MGAT3: variants seen among roughly 807,000 people sequenced by gnomAD.
MGAT3 encodes the protein GlcNAc-T III.
A neutral mutation model predicts 29.8 loss-of-function variants in MGAT3; 9 were observed. The ratio of observed to expected loss-of-function variants is 0.30; its 90% CI spans 0.18 to 0.53. MGAT3 has a LOEUF of 0.53. Among genes scored for constraint, MGAT3 ranks in the 20% least tolerant of loss-of-function variants. MGAT3 has a pLI of 0.96. For synonymous variants in MGAT3, 397 were observed against 348.9 expected, an observed-to-expected ratio of 1.14 and a Z score of -1.54; for missense variants, 557 against 769.5, an observed-to-expected ratio of 0.72 and a Z score of 3.27.
At chr22:39,472,319 G>C (rs1454245542) in intron 1 of MGAT3, among the ~76,000 whole-genome samples, 1 of 152,186 alleles carries the variant, frequency 6.6e-6, no homozygotes, top group Non-Finnish European at 1.5e-5. Context: ...GTCCCTGCCC[G>C]GTACTTTGTC....
intron 1 of MGAT3, among the ~76,000 whole-genome samples, chr22:39,476,279 CAG>C (rs933024436): frequency 1.3e-5 from 2 of 152,194 alleles, no homozygotes; most frequent in Non-Finnish European, 2.9e-5. Flanking sequence ...GCTGAGCCAG[CAG>C]AGAGTGGGGC....
chr22:39,471,394 A>G (rs1346602177), intron 1 of MGAT3, among the ~76,000 whole-genome samples: 2 of 152,140 alleles, frequency 1.3e-5, no homozygotes, highest in Non-Finnish European at 1.5e-5. Context: ...ACAGGGGCCT[A>G]TTGATGAATT....
Position 39,457,560 on chromosome 22 carries a change from G to T in MGAT3, c.-2+3G>T. 6.6e-6 allele frequency: 1 copy of T among 150,396 alleles called. No homozygotes were observed. The highest frequency in any genetic ancestry group is 1.8e-4 in the South Asian group (1 of 5,586). 9.3% of individuals were successfully genotyped at this position (150,396 alleles called of 1,614,324 possible). A position where few individuals can be genotyped will look rare whatever the true frequency, so the allele number is the denominator to read the frequency against. ...TGCTGAGACCCAGCGGGCGATGGGTGAGTTGACCCCGGCGTCCTGGGGGGC... is the reference window on the plus strand; with the variant it reads ...TGCTGAGACCCAGCGGGCGATGGGTTAGTTGACCCCGGCGTCCTGGGGGGC... On this transcript the variant is annotated splice_donor_region_variant and intron_variant, in intron 1 of 1. Transcript: ENST00000341184. This position sits in a 1 kb window ranked among gnomAD's most constrained non-coding sequence, Gnocchi z 6.8.
intron 1 of MGAT3, among the ~76,000 whole-genome samples, chr22:39,481,264 C>T (rs575957581): frequency 1.1e-4 from 17 of 152,032 alleles, no homozygotes; most frequent in Non-Finnish European, 2.4e-4. Flanking sequence ...AGTCTGCTCA[C>T]GTCGCCTCCT....
intron 1 of MGAT3, among the ~76,000 whole-genome samples, chr22:39,459,098 G>T (rs1928428693): frequency 6.9e-6 from 1 of 145,120 alleles, no homozygotes; most frequent in African/African-American, 2.7e-5. Context: ...TTTTGAGATG[G>T]AGCCTCACTC....
intron 1 of MGAT3, chr22:39,475,810 A>G (rs562136425): frequency 1.3e-5 from 2 of 152,408 alleles, no homozygotes; most frequent in South Asian, 2.1e-4. Flanking sequence ...GCATGCAGCT[A>G]TTAAAATTCA....
In MGAT3 at chr22:39,487,737, G is replaced by C; in HGVS notation, c.390G>C (p.Pro130=). ...PGTKMLERPP[P]GRPEEKPEGA... is the part of the protein sequence containing the mutation. ...CCAAGATGCTGGAGAGGCCGCCCCC[G>C]GGACGGCCGGAGGAGAAGCCTGAGG... is the stretch of plus-strand genomic sequence containing the variant. The change falls in exon 2 of 2, where the codon CCG becomes CCC. Residue 130 remains proline (P), a synonymous_variant. Transcript: ENST00000341184. The surrounding 1 kb of genome is among the most constrained non-coding windows in gnomAD (Gnocchi z 5.7). 1 of 1,543,144 alleles carries C rather than the reference G, an allele frequency of 6.5e-7. No homozygotes were observed. The highest frequency in any genetic ancestry group is 8.7e-7 in the Non-Finnish European group (1 of 1,148,036).
chr22:39,461,271 A>G (rs918244736), intron 1 of MGAT3, among the ~76,000 whole-genome samples: 2 of 152,164 alleles, frequency 1.3e-5, no homozygotes, highest in Admixed American at 1.3e-4. Context: ...AGTGTTGGTC[A>G]GCTAGATTTG....
chr22:39,460,004 T>A (rs113474549), intron 1 of MGAT3, among the ~76,000 whole-genome samples: 1 of 152,234 alleles, frequency 6.6e-6, no homozygotes, highest in African/African-American at 2.4e-5. Context: ...GTGGTCCTCA[T>A]GCAATTCTGG....
intron 1 of MGAT3, among the ~76,000 whole-genome samples, chr22:39,470,905 C>T (rs1928790695): frequency 6.6e-6 from 1 of 152,180 alleles, no homozygotes. Flanking sequence ...AGTCTAGACT[C>T]CAGAGAGCTA....
intron 1 of MGAT3, among the ~76,000 whole-genome samples, chr22:39,474,380 C>A (rs1485143747): frequency 6.6e-6 from 1 of 152,176 alleles, no homozygotes; most frequent in African/African-American, 2.4e-5. Flanking sequence ...AAGGCAGCAG[C>A]CTGGACTTTG....
At position 39,487,869 on chromosome 22, in the gene MGAT3, G is replaced by A; in HGVS notation, c.522G>A (p.Leu174=). 6.4e-7 allele frequency: 1 copy of A among 1,558,750 alleles called. No homozygotes were observed. ...ARRKWVECVC[L]PGWHGPSCGV... ...GCAAGTGGGTGGAGTGCGTGTGCCT[G>A]CCCGGCTGGCACGGACCCAGCTGCG... The change falls in exon 2 of 2, where the codon CTG becomes CTA. Residue 174 remains leucine (L), a synonymous_variant. Transcript: ENST00000341184. The surrounding 1 kb of genome is among the most constrained non-coding windows in gnomAD (Gnocchi z 5.7).
chr22:39,457,679 T>G lies in MGAT3; in HGVS notation c.-2+122T>G. 1 of 148,994 alleles carries G rather than the reference T, an allele frequency of 6.7e-6. No individual in the cohort carries two copies. Among genetic ancestry groups the G allele is most frequent in the Non-Finnish European group, 1.5e-5 (1 of 66,852 alleles). The allele number at this position is 148,994 out of a possible 1,614,324, so 9.2% of individuals were successfully genotyped here. A position where few individuals can be genotyped will look rare whatever the true frequency, so the allele number is the denominator to read the frequency against. On this transcript the variant is annotated intron_variant, in intron 1 of 1. Transcript: ENST00000341184. The surrounding 1 kb of genome is among the most constrained non-coding windows in gnomAD (Gnocchi z 6.8). ...GCGGCCCACTCCCCGAGCGTGACCT[T>G]AGGGGGCGGGCGCGGGCGCACTGGG...
At position 39,487,566 on chromosome 22, in the gene MGAT3, A is replaced by C; in HGVS notation, c.219A>C (p.Pro73=). ...EPGGPDLLRT[P]LYSHSPLLQP... is the part of the protein sequence containing the mutation. Reference sequence around the variant, plus strand: ...GAGGCCCTGACCTGCTGCGTACCCCACTCTACTCCCACTCGCCCCTGCTGC... The same window carrying C: ...GAGGCCCTGACCTGCTGCGTACCCCCCTCTACTCCCACTCGCCCCTGCTGC... Residue 73 remains proline, a synonymous_variant, in exon 2 of 2, where the codon CCA becomes CCC. Coordinates refer to ENST00000341184, the MANE Select transcript of MGAT3 (RefSeq NM_002409.5). This position sits in a 1 kb window ranked among gnomAD's most constrained non-coding sequence, Gnocchi z 5.7. 6.2e-7 allele frequency: 1 copy of C among 1,611,502 alleles called. No individual in the cohort carries two copies. The highest frequency in any genetic ancestry group is 1.7e-5 in the Admixed American group (1 of 59,882).
chr22:39,467,522 G>T (rs1216355455), intron 1 of MGAT3, among the ~76,000 whole-genome samples: 1 of 139,890 alleles, frequency 7.1e-6, no homozygotes, highest in Non-Finnish European at 1.7e-5. Flanking sequence ...GGTAGGAGTG[G>T]GCAGGAGCCC....
At chr22:39,481,135 C>T (rs896708206) in intron 1 of MGAT3, among the ~76,000 whole-genome samples, 2 of 152,208 alleles carry the variant, frequency 1.3e-5, no homozygotes, top group African/African-American at 2.4e-5. Flanking sequence ...CCCCATGTCC[C>T]CTCACTTGCT....
At chr22:39,483,060 CTTGCTTTGCTAA>C (rs1353093468) in intron 1 of MGAT3, among the ~76,000 whole-genome samples, 2 of 152,254 alleles carry the variant, frequency 1.3e-5, no homozygotes, top group Non-Finnish European at 2.9e-5. Context: ...TTCCTCTTAC[CTTGCTTTGCTAA>C]AGCCTTTGTT....
At chr22:39,469,507 G>C (rs1928748504) in intron 1 of MGAT3, among the ~76,000 whole-genome samples, 2 of 152,196 alleles carry the variant, frequency 1.3e-5, no homozygotes, top group Admixed American at 6.5e-5. Context: ...CTGCTGCCCT[G>C]TACACATGGG....
Position 39,488,900 on chromosome 22 carries a change from C to T in MGAT3, c.1553C>T (p.Pro518Leu), listed in dbSNP as rs749605116. 9.4e-6 allele frequency: 15 copies of T among 1,601,864 alleles called. No homozygotes were observed. Among genetic ancestry groups the T allele is most frequent in the Non-Finnish European group, 1.2e-5 (14 of 1,174,882 alleles). Residue 518 changes from proline to leucine, a missense_variant, in exon 2 of 2, where the codon CCC becomes CTC. By Grantham distance (98) the Pro-to-Leu change is moderately conservative. This residue lies in a region of MGAT3 where 102 missense variants were observed against 97.0 expected (regional missense o/e 1.05). Transcript: ENST00000341184. ...GCGGGCGGGTGGCGCCACAGGGGTC[C>T]CGAGGGAAGGCCGCCCGCCCGGGGC... is the stretch of plus-strand genomic sequence containing the variant. Reference protein sequence around the residue: ...TAAGGWRHRGPEGRPPARGKL... With the variant: ...TAAGGWRHRGLEGRPPARGKL...
Sources: gnomAD v4.1 joint callset for allele counts (sites outside exome capture counted in the v4.1 genomes callset) on GRCh38, gnomAD v4.1.1 for gene constraint, gnomAD v4.1.1 regional missense constraint, Gnocchi (gnomAD v3.1) non-coding constraint, MANE v1.5 for transcripts, NCBI Gene and HGNC (gene_info 2026-07-23, HGNC 2026-07-21) for gene names.